The following DDAH1 variants were observed in gnomAD, a reference collection of about 807,000 sequenced individuals.
DDAH1 encodes the protein dimethylarginine dimethylaminohydrolase 1, also known as N(G),N(G)-dimethylarginine dimethylaminohydrolase 1.
A neutral mutation model predicts 28.8 loss-of-function variants in DDAH1; 19 were observed. That is an observed-to-expected ratio of 0.66 (90% CI 0.46 to 0.97). DDAH1 has a LOEUF of 0.97. Ranked by LOEUF, DDAH1 falls within the 50% of genes least tolerant of loss-of-function variation. DDAH1 has a pLI of 0.00. For synonymous variants in DDAH1, 153 were observed against 154.4 expected, an observed-to-expected ratio of 0.99 and a Z score of 0.07; for missense variants, 326 against 375.9, an observed-to-expected ratio of 0.87 and a Z score of 1.10.
intron 1 of DDAH1, among the ~76,000 whole-genome samples, chr1:85,452,077 C>A (rs984017920): frequency 2.6e-5 from 4 of 152,138 alleles, no homozygotes; most frequent in Non-Finnish European, 4.4e-5. Flanking sequence ...TCCTTCTCTT[C>A]CTCGCCATCC....
In DDAH1 at chr1:85,493,204, T is replaced by C. The variant is rs370863920; in HGVS notation, c.-7+2962A>G. On this transcript the variant is annotated intron_variant, in intron 2 of 6. Coordinates refer to the DDAH1 transcript ENST00000426972. ...TTAAAAGACTGTTTTTATAGGCCTC[T>C]AAAAGTATTGTGGGCCCCAGGTGCT... Among the ~76,000 whole-genome samples the C allele has an allele frequency of 3.9e-5, 6 of 152,258 alleles. No homozygotes were observed. In the South Asian group the frequency reaches 1.2e-3, roughly 32 times the overall value.
chr1:85,347,709 A>G (rs1349730950), intron 4 of DDAH1, among the ~76,000 whole-genome samples: 32 of 152,206 alleles, frequency 2.1e-4, no homozygotes. Context: ...GCACATGTAT[A>G]CATATATAAC....
chr1:85,568,023 C>T (rs1197220598), intron 1 of DDAH1, among the ~76,000 whole-genome samples: 1 of 152,066 alleles, frequency 6.6e-6, no homozygotes, highest in Non-Finnish European at 1.5e-5. Flanking sequence ...AAATAAATAA[C>T]AGAATCATAC....
At chr1:85,394,066 T>C (rs1651689617) in intron 1 of DDAH1, among the ~76,000 whole-genome samples, 1 of 152,150 alleles carries the variant, frequency 6.6e-6, no homozygotes, top group African/African-American at 2.4e-5. Context: ...TGACAAAATA[T>C]AATATTTCAT....
At chr1:85,336,652 A>G (rs1448976522) in intron 4 of DDAH1, among the ~76,000 whole-genome samples, 1 of 152,126 alleles carries the variant, frequency 6.6e-6, no homozygotes, top group Admixed American at 6.5e-5. Flanking sequence ...ACCAAACACA[A>G]AACTAGTAGA....
At chr1:85,556,950 C>T (rs536369416) in intron 1 of DDAH1, among the ~76,000 whole-genome samples, 10 of 152,100 alleles carry the variant, frequency 6.6e-5, no homozygotes, top group Non-Finnish European at 1.2e-4. Flanking sequence ...AATCCTGTCT[C>T]TACTGAAAAC....
chr1:85,537,333 C>T (rs1335489866), intron 1 of DDAH1, among the ~76,000 whole-genome samples: 2 of 149,518 alleles, frequency 1.3e-5, no homozygotes, highest in Admixed American at 6.6e-5. Flanking sequence ...GGACCTGTCT[C>T]AAAAATAATA....
At position 85,447,481 on chromosome 1, in the gene DDAH1, T is replaced by C. The variant is rs1468280873; in HGVS notation, c.303+17262A>G. ...AAGTGGACAGTGAGAAGAGATGGCA[T>C]GAGTAGAAAGAGAGACTTCATGTCC... On this transcript the variant is annotated intron_variant, in intron 1 of 5. Transcript: ENST00000284031. 2.0e-5 allele frequency among the ~76,000 whole-genome samples: 3 copies of C among 152,180 alleles called. No homozygotes were observed. The East Asian group carries it at 5.8e-4, about 29-fold the overall frequency.
chr1:85,561,981 T>A (rs946269061), intron 1 of DDAH1, among the ~76,000 whole-genome samples: 1 of 152,242 alleles, frequency 6.6e-6, no homozygotes, highest in Non-Finnish European at 1.5e-5. Flanking sequence ...AGGGTCACCC[T>A]GTTTGACAGA....
chr1:85,322,629 T>G (rs1328540423), intron 5 of DDAH1, among the ~76,000 whole-genome samples: 1 of 152,178 alleles, frequency 6.6e-6, no homozygotes, highest in African/African-American at 2.4e-5. Flanking sequence ...TGAAGTGACA[T>G]TCCCTCTGAG....
intron 1 of DDAH1, chr1:85,379,841 G>A (rs1018620585): frequency 1.0e-4 from 38 of 363,064 alleles, no homozygotes; most frequent in South Asian, 1.0e-3. Flanking sequence ...TCTTTTCCAC[G>A]TTTCTACCAC....
intron 1 of DDAH1, among the ~76,000 whole-genome samples, chr1:85,403,244 TAC>T (rs4001155): frequency 5.3e-5 from 8 of 150,164 alleles, no homozygotes; most frequent in African/African-American, 9.8e-5. Flanking sequence ...TGTGTATATA[TAC>T]ACACACACAT....
chr1:85,336,012 TAAAAA>T (rs869274000), intron 4 of DDAH1, among the ~76,000 whole-genome samples: 1 of 125,936 alleles, frequency 7.9e-6, no homozygotes, highest in East Asian at 2.3e-4. Context: ...TAAAATAAAA[TAAAAA>T]ACAAATGTCA....
intron 1 of DDAH1, among the ~76,000 whole-genome samples, chr1:85,395,002 TA>T (rs1275176571): frequency 6.6e-6 from 1 of 152,180 alleles, no homozygotes; most frequent in Non-Finnish European, 1.5e-5. Context: ...TTAAGGTTAC[TA>T]AAAGTTAAAA....
At chr1:85,376,742 AGT>A (rs1650689926) in intron 1 of DDAH1, 1 of 148,950 alleles carries the variant, frequency 6.7e-6, no homozygotes, top group African/African-American at 2.5e-5. Flanking sequence ...GGCAAAATAA[AGT>A]GTTTTTTTTT....
rs868504743 is a variant in DDAH1, at chr1:85,339,066, T to A, written c.597+11349A>T. ...CGTCTCAAAAAAAAAAAAAAAAATA[T>A]ATATATATATGATCTTCACACCTAA... On this transcript the variant is annotated intron_variant, in intron 4 of 5. Coordinates refer to ENST00000284031, the MANE Select transcript of DDAH1 (RefSeq NM_012137.4). 2.1e-3 allele frequency among the ~76,000 whole-genome samples: 306 copies of A among 147,704 alleles called. 1 individual carries two copies. Among genetic ancestry groups the A allele is most frequent in the Middle Eastern group, 0.014 (4 of 290 alleles).
At chr1:85,546,298 T>C (rs1310756563) in intron 1 of DDAH1, among the ~76,000 whole-genome samples, 5 of 152,188 alleles carry the variant, frequency 3.3e-5, no homozygotes. Flanking sequence ...AGGACAAGCA[T>C]GGCCTCCTTT....
At chr1:85,495,270 A>G (rs765052933) in intron 2 of DDAH1, 1 of 152,144 alleles carries the variant, frequency 6.6e-6, no homozygotes, top group Non-Finnish European at 1.5e-5. Flanking sequence ...ATGAAGACAC[A>G]TGAAATAATG....
chr1:85,426,316 A>G (rs1267065693), intron 1 of DDAH1, among the ~76,000 whole-genome samples: 1 of 152,210 alleles, frequency 6.6e-6, no homozygotes, highest in African/African-American at 2.4e-5. Flanking sequence ...CAGTGTTGGT[A>G]TAAAAATAAA....
Sources: allele counts gnomAD v4.1 joint callset (sites outside exome capture counted in the v4.1 genomes callset), GRCh38; gene constraint gnomAD v4.1.1; transcripts MANE v1.5; gene names NCBI Gene and HGNC (gene_info 2026-07-23, HGNC 2026-07-21).